INSL6: variants seen among roughly 807,000 people sequenced by gnomAD.
INSL6 encodes the protein insulin-like peptide INSL6.
Under a neutral mutation model 9.4 loss-of-function variants are expected in INSL6, and 16 were observed. The observed-to-expected ratio is 1.70, with a 90% CI of 1.15 to 2.59. The LOEUF is 2.59. INSL6 is among the 30% of genes most tolerant of loss of function. The pLI is 0.00. For missense variants in INSL6, 391 were observed against 257.3 expected (o/e 1.52, Z -3.56); for synonymous variants, 154 against 96.9 (o/e 1.59, Z -3.46).
At chr9:5,035,288 G>A in the INSL6 span, among the ~76,000 whole-genome samples, 3 of 152,180 alleles carry the variant, frequency 2.0e-5, no homozygotes, top group Non-Finnish European at 4.4e-5. Flanking sequence ...ATTCACAGCT[G>A]AATTCTACCA....
At chr9:4,998,179 A>T in the INSL6 span, among the ~76,000 whole-genome samples, 2 of 152,256 alleles carry the variant, frequency 1.3e-5, no homozygotes, top group Admixed American at 6.5e-5. Flanking sequence ...AAAATCTTTT[A>T]AAAATGTCTT....
chr9:5,090,962 C>G, the INSL6 span: 2 of 1,250,252 alleles, frequency 1.6e-6, no homozygotes, highest in Non-Finnish European at 2.2e-6. Context: ...AGACTTCAAA[C>G]TTTATTGTTG....
the INSL6 span, chr9:5,101,128 C>A: frequency 6.6e-6 from 1 of 152,278 alleles, no homozygotes; most frequent in Non-Finnish European, 1.5e-5. Flanking sequence ...CTTTCCCAGC[C>A]AAGGGAAGCC....
the INSL6 span, among the ~76,000 whole-genome samples, chr9:5,012,366 A>G: frequency 2.0e-5 from 3 of 152,172 alleles, no homozygotes; most frequent in Non-Finnish European, 2.9e-5. Flanking sequence ...TGGTGTTTTT[A>G]TAAATATATA....
the INSL6 span, among the ~76,000 whole-genome samples, chr9:5,118,793 T>A: frequency 6.6e-6 from 1 of 152,186 alleles, no homozygotes; most frequent in Non-Finnish European, 1.5e-5. Flanking sequence ...CCATTAAAAA[T>A]TATCTGTTAT....
intron 2 of INSL6, among the ~76,000 whole-genome samples, chr9:5,145,319 G>A (rs909499462): frequency 2.6e-5 from 4 of 152,130 alleles, no homozygotes; most frequent in South Asian, 2.1e-4. Flanking sequence ...TTTCCACTGA[G>A]AGGTCCACTG....
At chr9:5,063,094 CTCTT>C in the INSL6 span, among the ~76,000 whole-genome samples, 2 of 152,006 alleles carry the variant, frequency 1.3e-5, no homozygotes, top group East Asian at 1.9e-4. Flanking sequence ...ACATGCTTGT[CTCTT>C]TATTATAATT....
the INSL6 span, among the ~76,000 whole-genome samples, chr9:5,012,151 A>C: frequency 1.3e-5 from 2 of 152,102 alleles, no homozygotes; most frequent in African/African-American, 4.8e-5. Flanking sequence ...TCATTCTCTG[A>C]TACTTTCACC....
At chr9:5,134,899 G>T (rs1302471934) in intron 2 of INSL6, among the ~76,000 whole-genome samples, 1 of 152,072 alleles carries the variant, frequency 6.6e-6, no homozygotes, top group Non-Finnish European at 1.5e-5. Context: ...TGGCAAATTG[G>T]ATAGAGTCAA....
At position 5,169,990 on chromosome 9, in the gene INSL6, T is replaced by C. The variant is rs183983436; in HGVS notation, c.290-5725A>G. ...GAAAATTAACAAAGATATTTAGGAC[T>C]TGAATTCAACTCTGGATCAAATGGA... On this transcript the variant is annotated intron_variant, in intron 1 of 1. Coordinates refer to ENST00000381641, the MANE Select transcript of INSL6 (RefSeq NM_007179.3). Among the ~76,000 whole-genome samples the C allele has an allele frequency of 2.7e-3, 405 of 152,322 alleles. 3 individuals are homozygous for C. The highest frequency in any genetic ancestry group is 9.5e-3 in the African/African-American group (397 of 41,572).
chr9:5,123,363 T>C (rs1007982182), downstream of INSL6, among the ~76,000 whole-genome samples: 8 of 151,976 alleles, frequency 5.3e-5, no homozygotes, highest in African/African-American at 1.4e-4. Context: ...TCTACGTTCA[T>C]GTGTATACAT....
At chr9:5,021,986 G>A in the INSL6 span, 1 of 1,608,320 alleles carries the variant, frequency 6.2e-7, no homozygotes, top group South Asian at 1.1e-5. Flanking sequence ...AAAAGACTCT[G>A]CATGGGAATG....
At chr9:5,171,554 AGAT>A (rs1238434417) in intron 1 of INSL6, among the ~76,000 whole-genome samples, 1 of 152,228 alleles carries the variant, frequency 6.6e-6, no homozygotes, top group Non-Finnish European at 1.5e-5. Flanking sequence ...CTTTGTTTGC[AGAT>A]GACATGCAAA....
the INSL6 span, among the ~76,000 whole-genome samples, chr9:5,086,562 C>G: frequency 6.6e-6 from 1 of 152,090 alleles, no homozygotes; most frequent in East Asian, 1.9e-4. Flanking sequence ...ACCTTACCTC[C>G]TGCCATTATT....
chr9:4,997,519 G>A, the INSL6 span, among the ~76,000 whole-genome samples: 1 of 152,100 alleles, frequency 6.6e-6, no homozygotes, highest in East Asian at 1.9e-4. Flanking sequence ...GCACCAAGGG[G>A]GATGTTGCTA....
At chr9:5,177,359 G>C (rs1352691402) in intron 1 of INSL6, among the ~76,000 whole-genome samples, 4 of 152,188 alleles carry the variant, frequency 2.6e-5, no homozygotes, top group Non-Finnish European at 5.9e-5. Flanking sequence ...ATTTCTCCCA[G>C]AGATCTCTGA....
At chr9:5,027,078 C>T in the INSL6 span, among the ~76,000 whole-genome samples, 5 of 152,146 alleles carry the variant, frequency 3.3e-5, no homozygotes, top group Admixed American at 2.0e-4. Context: ...TTTTATTATA[C>T]CTCCAGTTCA....
intron 2 of INSL6, among the ~76,000 whole-genome samples, chr9:5,143,814 C>T (rs180805465): frequency 1.1e-4 from 17 of 151,946 alleles, no homozygotes; most frequent in Admixed American, 1.1e-3. Context: ...CACCCACCCC[C>T]ACACCCTGCT....
chr9:5,176,802 A>AATG (rs1825319491), intron 1 of INSL6, among the ~76,000 whole-genome samples: 2 of 152,172 alleles, frequency 1.3e-5, no homozygotes, highest in African/African-American at 4.8e-5. Context: ...TAGAATCAAC[A>AATG]AACTATTAGA....
Sources: gnomAD v4.1 joint callset for allele counts (sites outside exome capture counted in the v4.1 genomes callset) on GRCh38, gnomAD v4.1.1 for gene constraint, MANE v1.5 for transcripts, NCBI Gene and HGNC (gene_info 2026-07-23, HGNC 2026-07-21) for gene names.